The following UTRN variants were observed in gnomAD, a reference collection of about 807,000 sequenced individuals.
UTRN encodes utrophin, also known as dystrophin-related protein 1.
Under a neutral mutation model 463.9 loss-of-function variants are expected in UTRN, and 283 were observed. That is an observed-to-expected ratio of 0.61 (90% CI 0.55 to 0.67). The LOEUF (loss-of-function observed/expected upper bound fraction) is 0.67. Ranked by LOEUF, UTRN falls within the 30% of genes least tolerant of loss-of-function variation. The pLI is 0.00. For synonymous variants in UTRN, 1,442 were observed against 1,431.5 expected (o/e 1.01, Z -0.17); for missense variants, 3,922 against 4,084.3 (o/e 0.96, Z 1.08).
intron 13 of UTRN, among the ~76,000 whole-genome samples, chr6:144,442,180 C>A (rs1787247652): frequency 6.6e-6 from 1 of 152,150 alleles, no homozygotes; most frequent in Non-Finnish European, 1.5e-5. Flanking sequence ...ATGAGATTTT[C>A]TTTTCTATTG....
At chr6:144,825,474 A>G (rs1225729936) in intron 66 of UTRN, among the ~76,000 whole-genome samples, 1 of 152,264 alleles carries the variant, frequency 6.6e-6, no homozygotes, top group African/African-American at 2.4e-5. Flanking sequence ...TGACTTTTTT[A>G]TCTCTATTTC....
chr6:144,850,027 G>A (rs889880565), intron 74 of UTRN, among the ~76,000 whole-genome samples: 12 of 152,182 alleles, frequency 7.9e-5, no homozygotes, highest in Admixed American at 6.5e-4. Context: ...CTGCTTCACA[G>A]GAGGGCCTCC....
At chr6:144,725,602 G>T (rs940363411) in intron 53 of UTRN, among the ~76,000 whole-genome samples, 4 of 152,172 alleles carry the variant, frequency 2.6e-5, no homozygotes, top group Non-Finnish European at 5.9e-5. Context: ...ATGCCACTTT[G>T]TAGCTCTGTG....
At chr6:144,579,263 T>A (rs1436681533) in intron 51 of UTRN, among the ~76,000 whole-genome samples, 10 of 152,218 alleles carry the variant, frequency 6.6e-5, no homozygotes, top group Admixed American at 6.5e-4. Context: ...TTAGCCATCA[T>A]CTGTATTTTA....
intron 58 of UTRN, among the ~76,000 whole-genome samples, chr6:144,762,660 T>C (rs950896417): frequency 2.6e-5 from 4 of 152,196 alleles, no homozygotes; most frequent in Non-Finnish European, 5.9e-5. Context: ...CAGTTGGACC[T>C]TGAGAGGAAC....
chr6:144,635,368 C>T (rs1280350965), intron 51 of UTRN, among the ~76,000 whole-genome samples: 3 of 151,804 alleles, frequency 2.0e-5, no homozygotes, highest in African/African-American at 7.3e-5. Context: ...CAAGGCTGCT[C>T]TCCAACTCTG....
intron 2 of UTRN, among the ~76,000 whole-genome samples, chr6:144,382,577 A>G (rs959239404): frequency 3.3e-5 from 5 of 152,234 alleles, no homozygotes; most frequent in Non-Finnish European, 7.3e-5. Flanking sequence ...GCTGATTATT[A>G]TCTTTAATTC....
intron 54 of UTRN, among the ~76,000 whole-genome samples, chr6:144,738,127 C>T (rs962549226): frequency 6.6e-6 from 1 of 152,206 alleles, no homozygotes; most frequent in African/African-American, 2.4e-5. Flanking sequence ...TTTTGGCTGG[C>T]TTTTGACTCA....
chr6:144,724,298 A>G (rs764630982), intron 53 of UTRN, among the ~76,000 whole-genome samples: 11 of 134,140 alleles, frequency 8.2e-5, no homozygotes, highest in Non-Finnish European at 1.4e-4. Context: ...GCGCAATCTC[A>G]GCCCACTGCA....
chr6:144,558,386 C>G (rs1013509771), intron 50 of UTRN, among the ~76,000 whole-genome samples: 7 of 152,208 alleles, frequency 4.6e-5, no homozygotes, highest in Non-Finnish European at 8.8e-5. Flanking sequence ...TAATATTGGT[C>G]TTTCTAACAT....
intron 51 of UTRN, among the ~76,000 whole-genome samples, chr6:144,660,876 G>A (rs9390186): frequency 0.079 from 11,993 of 152,292 alleles, 784 homozygotes; most frequent in East Asian, 0.23. Context: ...AAATGTGCGT[G>A]TAGCTCTTTT....
intron 34 of UTRN, among the ~76,000 whole-genome samples, chr6:144,504,849 A>C (rs937541134): frequency 5.9e-5 from 9 of 152,084 alleles, no homozygotes; most frequent in African/African-American, 2.2e-4. Flanking sequence ...AGCTCCTCTT[A>C]GTATCTCTGG....
chr6:144,815,334 A>G (rs1778980424), intron 65 of UTRN, among the ~76,000 whole-genome samples: 2 of 152,352 alleles, frequency 1.3e-5, no homozygotes, highest in Admixed American at 6.5e-5. Context: ...AGTATGTATT[A>G]GGCAGGGCTG....
At chr6:144,383,278 C>T (rs1415104870) in intron 2 of UTRN, among the ~76,000 whole-genome samples, 1 of 152,208 alleles carries the variant, frequency 6.6e-6, no homozygotes, top group African/African-American at 2.4e-5. Flanking sequence ...GAACATCCAA[C>T]TCCAACTTGT....
chr6:144,816,221 G>T (rs1269075570), intron 65 of UTRN, among the ~76,000 whole-genome samples: 1 of 152,144 alleles, frequency 6.6e-6, no homozygotes, highest in East Asian at 1.9e-4. Context: ...GTAGGGAAAT[G>T]GCAGGTGTGG....
chr6:144,778,567 C>T (rs940716905), intron 60 of UTRN, among the ~76,000 whole-genome samples: 6 of 151,562 alleles, frequency 4.0e-5, no homozygotes, highest in Admixed American at 2.0e-4. Flanking sequence ...ACCTTGAGCT[C>T]TGCCTATATT....
chr6:144,531,412 A>G (rs1331818251), intron 42 of UTRN, among the ~76,000 whole-genome samples: 5 of 152,244 alleles, frequency 3.3e-5, no homozygotes, highest in Non-Finnish European at 7.3e-5. Context: ...AAATTTAAAT[A>G]AAAATACTCC....
At chr6:144,450,612 A>G (rs904523653) in intron 17 of UTRN, among the ~76,000 whole-genome samples, 34 of 152,182 alleles carry the variant, frequency 2.2e-4, no homozygotes, top group African/African-American at 8.2e-4. Context: ...TGAGATTTGT[A>G]TCTGGTTCAC....
At position 144,459,277 on chromosome 6, in the gene UTRN, G is replaced by A. The variant is rs114773347; in HGVS notation, c.2630G>A (p.Arg877Gln). The A allele has an allele frequency of 4.7e-4, 765 of 1,614,018 alleles. 2 individuals carry two copies. The African/African-American group carries it at 5.7e-3, about 12-fold the overall frequency. The change falls in exon 21 of 75, where the codon CGG becomes CAG. Residue 877 changes from arginine (R) to glutamine (Q), a missense_variant. Physicochemically the swap from Arg to Gln is conservative, Grantham distance 43. Coordinates refer to ENST00000367545, the MANE Select transcript of UTRN (RefSeq NM_007124.3). Reference protein sequence around the residue: ...SQPSAPDFVQRGFDSFLGRYQ... With the variant: ...SQPSAPDFVQQGFDSFLGRYQ... Reference sequence around the variant, plus strand: ...CCTTCTGCCCCAGATTTTGTCCAGCGGGGCTTCGATAGCTTTCTGGGCCGC... The same window carrying A: ...CCTTCTGCCCCAGATTTTGTCCAGCAGGGCTTCGATAGCTTTCTGGGCCGC...
Sources: allele counts gnomAD v4.1 joint callset (sites outside exome capture counted in the v4.1 genomes callset), GRCh38; gene constraint gnomAD v4.1.1; transcripts MANE v1.5; gene names NCBI Gene and HGNC (gene_info 2026-07-23, HGNC 2026-07-21).